LAMA3: variants seen among roughly 807,000 people sequenced by gnomAD.
LAMA3 encodes laminin subunit alpha-3.
LAMA3 carries 281 observed loss-of-function variants against 402.0 expected under a neutral mutation model. The ratio of observed to expected loss-of-function variants is 0.70; its 90% CI spans 0.63 to 0.77. The LOEUF (loss-of-function observed/expected upper bound fraction) is 0.77. Among genes scored for constraint, LAMA3 ranks in the 30% least tolerant of loss-of-function variants. The pLI is 0.00. For synonymous variants in LAMA3, 1,431 were observed against 1,558.4 expected, an observed-to-expected ratio of 0.92 and a Z score of 1.93; for missense variants, 3,840 against 4,215.5, an observed-to-expected ratio of 0.91 and a Z score of 2.47.
intron 2 of LAMA3, among the ~76,000 whole-genome samples, chr18:23,740,975 A>G (rs1274337859): frequency 6.7e-6 from 1 of 148,906 alleles, no homozygotes; most frequent in Non-Finnish European, 1.5e-5. Flanking sequence ...TTTTTTTGAG[A>G]CAGAGTCTCA....
chr18:23,831,068 C>G (rs915620466), intron 23 of LAMA3, among the ~76,000 whole-genome samples: 1 of 152,100 alleles, frequency 6.6e-6, no homozygotes, highest in Non-Finnish European at 1.5e-5. Context: ...GTGTACATCC[C>G]GAACTTTTCT....
At chr18:23,944,212 C>T (rs1456055898) in intron 69 of LAMA3, among the ~76,000 whole-genome samples, 1 of 152,168 alleles carries the variant, frequency 6.6e-6, no homozygotes, top group African/African-American at 2.4e-5. Flanking sequence ...CCATCCCCTC[C>T]AGCCCTCCCC....
chr18:23,946,461 A>G (rs1309494813), intron 70 of LAMA3, 177 bp downstream of exon 70: 2 of 745,022 alleles, frequency 2.7e-6, no homozygotes, highest in East Asian at 5.5e-5. Flanking sequence ...CTTAACCCAA[A>G]GCCTTCATTT....
At chr18:23,913,295 C>T (rs926274657) in intron 56 of LAMA3, among the ~76,000 whole-genome samples, 1 of 152,166 alleles carries the variant, frequency 6.6e-6, no homozygotes, top group African/African-American at 2.4e-5. Flanking sequence ...TCAGACTGCC[C>T]AGCCTCAGAT....
intron 13 of LAMA3, among the ~76,000 whole-genome samples, chr18:23,812,492 A>G (rs2063093567): frequency 6.6e-6 from 1 of 152,250 alleles, no homozygotes; most frequent in South Asian, 2.1e-4. Context: ...CAGACTCAGA[A>G]CAGACTTACC....
rs1335792054 is a variant in LAMA3 at position 23,922,285 on chromosome 18, G to A, written c.8177+700G>A. On this transcript the variant is annotated intron_variant, in intron 62 of 74. Transcript: ENST00000313654. Reference sequence around the variant, plus strand: ...AGGATTAGTGCAGCCTCATGACTAAGTAAGAGTGCTCCCAGAAGGTTAGGT... The same window carrying A: ...AGGATTAGTGCAGCCTCATGACTAAATAAGAGTGCTCCCAGAAGGTTAGGT... 3.0e-4 allele frequency among the ~76,000 whole-genome samples: 45 copies of A among 152,344 alleles called. 1 individual carries two copies. Among genetic ancestry groups the A allele is most frequent in the Admixed American group, 2.9e-3 (44 of 15,300 alleles).
intron 32 of LAMA3, among the ~76,000 whole-genome samples, chr18:23,853,409 G>A (rs771468770): frequency 2.3e-4 from 35 of 152,262 alleles, no homozygotes; most frequent in Non-Finnish European, 4.1e-4. Flanking sequence ...GAGTAGCTGG[G>A]ATTACAGGCA....
intron 67 of LAMA3, among the ~76,000 whole-genome samples, chr18:23,935,144 TAC>T (rs1162902733): frequency 2.6e-5 from 4 of 152,202 alleles, no homozygotes; most frequent in Non-Finnish European, 5.9e-5. Flanking sequence ...CAGGATAGAA[TAC>T]ACATGACTCA....
chr18:23,862,112 T>C (rs1054608859), intron 35 of LAMA3, among the ~76,000 whole-genome samples: 3 of 152,260 alleles, frequency 2.0e-5, no homozygotes, highest in African/African-American at 7.2e-5. Flanking sequence ...TTAAATACTA[T>C]CTATTGCAAA....
intron 39 of LAMA3, among the ~76,000 whole-genome samples, chr18:23,876,924 G>A (rs928484619): frequency 1.3e-5 from 2 of 152,206 alleles, no homozygotes; most frequent in African/African-American, 4.8e-5. Context: ...AGGAGACTGA[G>A]GCAGGAGAAT....
chr18:23,908,422 C>T (rs543552683), intron 54 of LAMA3, among the ~76,000 whole-genome samples: 57 of 149,826 alleles, frequency 3.8e-4, no homozygotes, highest in African/African-American at 1.2e-3. Flanking sequence ...CCCAGCTACT[C>T]GGGAGGCTGA....
At chr18:23,894,261 A>G in intron 42 of LAMA3, 37 bp from the exon 43 acceptor site, 1 of 1,541,206 alleles carries the variant, frequency 6.5e-7, no homozygotes, top group Non-Finnish European at 9.0e-7. Flanking sequence ...AAGTAAGTTT[A>G]ATAACTATGT....
intron 32 of LAMA3, among the ~76,000 whole-genome samples, chr18:23,851,273 G>A (rs1568255562): frequency 6.6e-6 from 1 of 152,216 alleles, no homozygotes; most frequent in Non-Finnish European, 1.5e-5. Context: ...TCACCTGCAC[G>A]ACCTCTGTCG....
chr18:23,838,923 A>G lies in LAMA3; in HGVS notation c.3191+45A>G, dbSNP rs768538335. ...TCTCCCCGTTCATGTTCTGAGTGAT[A>G]CTGGGATGAGTGTAAGGCTGAAACT... On this transcript the variant is annotated intron_variant, in intron 26 of 74. Transcript: ENST00000313654. The G allele has an allele frequency of 6.1e-6, 7 of 1,148,032 alleles. No individual in the cohort carries two copies. The South Asian group carries it at 8.6e-5, about 14-fold the overall frequency. 71.1% of individuals were successfully genotyped at this position (1,148,032 alleles called of 1,614,324 possible).
chr18:23,758,799 C>A (rs2061907995), intron 7 of LAMA3, among the ~76,000 whole-genome samples: 1 of 152,138 alleles, frequency 6.6e-6, no homozygotes, highest in Non-Finnish European at 1.5e-5. Flanking sequence ...TATGATGCAA[C>A]CACTATAAAA....
At chr18:23,948,127 G>A (rs1187494775) in intron 70 of LAMA3, among the ~76,000 whole-genome samples, 1 of 152,056 alleles carries the variant, frequency 6.6e-6, no homozygotes, top group Non-Finnish European at 1.5e-5. Context: ...TTTCAACTCA[G>A]AGAAATCACA....
At chr18:23,742,833 T>C (rs1163728313) in intron 2 of LAMA3, among the ~76,000 whole-genome samples, 1 of 152,226 alleles carries the variant, frequency 6.6e-6, no homozygotes, top group Non-Finnish European at 1.5e-5. Flanking sequence ...TGCTACCTTG[T>C]GGAATAGTAT....
intron 5 of LAMA3, among the ~76,000 whole-genome samples, chr18:23,753,412 AT>A (rs1273724127): frequency 3.3e-5 from 5 of 152,276 alleles, no homozygotes; most frequent in Non-Finnish European, 7.3e-5. Context: ...TTTAATTTAC[AT>A]AAAAAATAAA....
chr18:23,750,944 T>C lies in LAMA3; in HGVS notation c.711T>C (p.Arg237=), dbSNP rs2061739583. 6.2e-7 allele frequency: 1 copy of C among 1,614,022 alleles called. No individual in the cohort carries two copies. The change falls in exon 5 of 75, where the codon CGT becomes CGC. Residue 237 remains arginine, a synonymous_variant. Coordinates refer to ENST00000313654, the MANE Select transcript of LAMA3 (RefSeq NM_198129.4). Reference sequence around the variant, plus strand: ...TTGTGGTGTCCTTGATAAACGGTCGTCCAGGTGCAAAAAATTTTACTTTCT... The same window carrying C: ...TTGTGGTGTCCTTGATAAACGGTCGCCCAGGTGCAAAAAATTTTACTTTCT... ...GEVVVSLING[R]PGAKNFTFSH...
Sources: allele counts gnomAD v4.1 joint callset (sites outside exome capture counted in the v4.1 genomes callset), GRCh38; gene constraint gnomAD v4.1.1; transcripts MANE v1.5; gene names NCBI Gene and HGNC (gene_info 2026-07-23, HGNC 2026-07-21).